The following FABP6 variants were observed in gnomAD, a reference collection of about 807,000 sequenced individuals.
FABP6 encodes fatty acid binding protein 6.
In FABP6, 13 loss-of-function variants were observed where a neutral mutation model predicts 14.9. The ratio of observed to expected loss-of-function variants is 0.87; its 90% confidence interval spans 0.57 to 1.39. The LOEUF (loss-of-function observed/expected upper bound fraction) is 1.39. Ranked by LOEUF, FABP6 falls within the 40% of genes most tolerant of loss-of-function variation. The probability of loss-of-function intolerance (pLI) is 0.00; values close to 1 mark genes in which losing one functional copy is unlikely to be tolerated. For synonymous variants in FABP6, 75 were observed against 63.6 expected (o/e 1.18, Z -0.85); for missense variants, 161 against 167.2 (o/e 0.96, Z 0.20).
upstream of FABP6, chr5:160,228,732 T>C (rs1760305317): frequency 2.9e-6 from 1 of 348,764 alleles, no homozygotes; most frequent in Admixed American, 3.8e-5. Context: ...TTTACTCTGG[T>C]TGCATTATCT....
chr5:160,223,362 T>TTCC (rs530428957), intron 3 of FABP6, among the ~76,000 whole-genome samples: 48 of 33,088 alleles, frequency 1.5e-3, no homozygotes, highest in African/African-American at 3.7e-3. Context: ...TCCTTCCTTC[T>TTCC]TTCCCTCCCT....
intron 2 of FABP6, among the ~76,000 whole-genome samples, chr5:160,202,786 G>T (rs371594580): frequency 3.6e-5 from 5 of 140,018 alleles, no homozygotes; most frequent in African/African-American, 1.4e-4. Context: ...GGAACAGAGC[G>T]AAACTCCATC....
rs750791777 is a variant in FABP6 at position 160,232,206 on chromosome 5, C to T, written c.176C>T (p.Thr59Ile). The change falls in exon 2 of 4, where the codon ACC (threonine) becomes ATC (isoleucine). Residue 59 changes from threonine (T) to isoleucine (I), a missense_variant. Thr to Ile is a moderately conservative substitution (Grantham distance 89). Coordinates refer to ENST00000402432, the MANE Select transcript of FABP6 (RefSeq NM_001445.3). ...TWSQHYSGGH[T>I]MTNKFTVGKE... ...TCCCAGCACTACTCCGGGGGCCACA[C>T]CATGACCAACAAGTTCACTGTTGGC... The T allele has an allele frequency of 7.4e-6, 12 of 1,613,228 alleles. No individual in the cohort carries two copies. The highest frequency in any genetic ancestry group is 1.0e-5 in the Non-Finnish European group (12 of 1,179,694).
intron 1 of FABP6, among the ~76,000 whole-genome samples, chr5:160,187,742 A>ATTAT (rs147766560): frequency 0.016 from 2,337 of 150,670 alleles, 46 homozygotes; most frequent in African/African-American, 0.048. Context: ...AATATTTGCT[A>ATTAT]TTATTTATTT....
intron 1 of FABP6, among the ~76,000 whole-genome samples, chr5:160,231,267 A>G (rs1002416001): frequency 2.0e-5 from 3 of 152,348 alleles, no homozygotes; most frequent in Non-Finnish European, 4.4e-5. Flanking sequence ...TGGGATGGGA[A>G]GTGAGCCCAC....
At chr5:160,196,408 G>A (rs542593865) in intron 1 of FABP6, among the ~76,000 whole-genome samples, 1 of 152,338 alleles carries the variant, frequency 6.6e-6, no homozygotes, top group African/African-American at 2.4e-5. Context: ...GGGCTCTGGG[G>A]AGAGAGGCTC....
intron 3 of FABP6, among the ~76,000 whole-genome samples, chr5:160,236,307 CA>C (rs1170797253): frequency 2.0e-5 from 3 of 152,142 alleles, no homozygotes; most frequent in Non-Finnish European, 4.4e-5. Context: ...TGAGCCACTG[CA>C]CCAGGCCTTG....
chr5:160,202,885 A>G (rs988210267), intron 2 of FABP6, among the ~76,000 whole-genome samples: 6 of 152,080 alleles, frequency 3.9e-5, no homozygotes, highest in Non-Finnish European at 8.8e-5. Context: ...AGGTGCTCCA[A>G]TGGGGTAACC....
intron 1 of FABP6, among the ~76,000 whole-genome samples, chr5:160,191,558 A>C (rs1208755478): frequency 1.3e-5 from 2 of 151,842 alleles, no homozygotes; most frequent in African/African-American, 4.8e-5. Context: ...TCATGCCCTC[A>C]TTCCTTTTGC....
intron 1 of FABP6, among the ~76,000 whole-genome samples, chr5:160,189,044 T>TA (rs550517270): frequency 8.2e-4 from 125 of 152,254 alleles, no homozygotes; most frequent in African/African-American, 2.9e-3. Context: ...ATGCACCCTT[T>TA]TCCTATAAAG....
At chr5:160,226,605 G>A (rs1489884504), upstream of FABP6, among the ~76,000 whole-genome samples, 1 of 151,794 alleles carries the variant, frequency 6.6e-6, no homozygotes, top group African/African-American at 2.4e-5. Context: ...ACTTTGTCAA[G>A]GTAACACTTC....
chr5:160,206,654 C>A (rs976619906), intron 2 of FABP6, among the ~76,000 whole-genome samples: 1 of 152,122 alleles, frequency 6.6e-6, no homozygotes, highest in Non-Finnish European at 1.5e-5. Flanking sequence ...CTGGTTACAT[C>A]GATGGCAACA....
chr5:160,193,241 T>G lies in FABP6; in HGVS notation c.-59+5787T>G, dbSNP rs115482670. Among the ~76,000 whole-genome samples the G allele has an allele frequency of 7.0e-4, 106 of 152,036 alleles. 1 individual carries two copies. The highest frequency in any genetic ancestry group is 2.2e-3 in the African/African-American group (93 of 41,452). On this transcript the variant is annotated intron_variant, in intron 1 of 6. Transcript: ENST00000393980. ...GGGGTGAAACTGCAGACTTTCGCGG[T>G]GAGTGTTGCGGCACGTCTGGAGTTG... is the stretch of plus-strand genomic sequence containing the variant.
intron 1 of FABP6, among the ~76,000 whole-genome samples, chr5:160,192,974 G>A (rs1269457498): frequency 6.6e-6 from 1 of 152,224 alleles, no homozygotes; most frequent in Non-Finnish European, 1.5e-5. Context: ...AGCCAGGCAT[G>A]GTGGTGCACA....
In FABP6 at chr5:160,232,254, T is replaced by TG. The variant is rs1159792789; in HGVS notation, c.230dup (p.Lys78GlnfsTer30). Reference sequence around the variant, plus strand: ...GGCAAGGAAAGCAACATACAGACAATGGGGGGCAAGACGTTCAAGGTGAGA... The same window carrying TG: ...GGCAAGGAAAGCAACATACAGACAATGGGGGGGCAAGACGTTCAAGGTGAGA... On this transcript the variant is annotated frameshift_variant, in exon 2 of 4. Transcript: ENST00000402432. LOFTEE classifies it high-confidence loss of function. 1.2e-6 allele frequency: 2 copies of TG among 1,609,942 alleles called. No individual in the cohort carries two copies. The highest frequency in any genetic ancestry group is 1.3e-5 in the African/African-American group (1 of 74,788).
In FABP6 at chr5:160,192,218, G is replaced by A. The variant is rs1012116789; in HGVS notation, c.-59+4764G>A. Among the ~76,000 whole-genome samples, 43 of 151,568 alleles carry A rather than the reference G, an allele frequency of 2.8e-4. 1 individual carries two copies. Among genetic ancestry groups the A allele is most frequent in the Admixed American group, 1.3e-4 (2 of 15,196 alleles). Reference sequence around the variant, plus strand: ...TCTAAATTAAACATTTTAGAGATGGGGTCTTGCTATGTTGCCGAGGCTAAT... The same window carrying A: ...TCTAAATTAAACATTTTAGAGATGGAGTCTTGCTATGTTGCCGAGGCTAAT... On this transcript the variant is annotated intron_variant, in intron 1 of 6. Transcript: ENST00000393980.
intron 3 of FABP6, among the ~76,000 whole-genome samples, chr5:160,224,237 A>AAAAT (rs1345161715): frequency 7.9e-5 from 12 of 152,026 alleles, no homozygotes; most frequent in Non-Finnish European, 1.6e-4. Flanking sequence ...CTCCATCTCA[A>AAAAT]AAATAAATAA....
At chr5:160,225,399 C>CTTTT (rs1284538826), upstream of FABP6, among the ~76,000 whole-genome samples, 4 of 123,496 alleles carry the variant, frequency 3.2e-5, no homozygotes, top group Non-Finnish European at 5.0e-5. Context: ...CCAGCCCCAC[C>CTTTT]TTTTTTTTTT....
At chr5:160,226,705 T>C (rs1406775784), upstream of FABP6, among the ~76,000 whole-genome samples, 2 of 152,142 alleles carry the variant, frequency 1.3e-5, no homozygotes, top group African/African-American at 4.8e-5. Flanking sequence ...AGATCATTCA[T>C]GTAAAACACT....
Sources: gnomAD v4.1 joint callset for allele counts (sites outside exome capture counted in the v4.1 genomes callset) on GRCh38, gnomAD v4.1.1 for gene constraint, MANE v1.5 for transcripts, NCBI Gene and HGNC (gene_info 2026-07-23, HGNC 2026-07-21) for gene names.